Variants in PCED1B observed in about 807,000 individuals in gnomAD.
The protein encoded by PCED1B is PC-esterase domain-containing protein 1B.
For synonymous variants in PCED1B, 251 were observed against 246.1 expected, an observed-to-expected ratio of 1.02 and a Z score of -0.19; for missense variants, 573 against 573.9, an observed-to-expected ratio of 1.00 and a Z score of 0.02.
chr12:47,198,569 C>CA lies in PCED1B; in HGVS notation c.-525-17646dup, dbSNP rs1006612014. 3.1e-4 allele frequency among the ~76,000 whole-genome samples: 46 copies of CA among 148,526 alleles called. 1 individual carries two copies. The highest frequency in any genetic ancestry group is 2.7e-4 in the Admixed American group (4 of 15,002). On this transcript the variant is annotated intron_variant, in intron 2 of 3. Transcript: ENST00000546455. Reference sequence around the variant, plus strand: ...GAAGCCCTAACTAATGCAGTAAGACCAAAAAAACAAAAAACAAACAAACAA... The same window carrying CA: ...GAAGCCCTAACTAATGCAGTAAGACCAAAAAAAACAAAAAACAAACAAACAA...
intron 2 of PCED1B, among the ~76,000 whole-genome samples, chr12:47,192,063 G>A (rs552397866): frequency 3.3e-5 from 5 of 151,252 alleles, no homozygotes; most frequent in South Asian, 4.2e-4. Context: ...AATCCACCCC[G>A]TATCACTGTA....
At chr12:47,093,950 G>A (rs1055959279) in intron 1 of PCED1B, among the ~76,000 whole-genome samples, 4 of 152,016 alleles carry the variant, frequency 2.6e-5, no homozygotes, top group Non-Finnish European at 5.9e-5. Flanking sequence ...TATGTTAACT[G>A]TGCTGTTTAT....
At chr12:47,126,624 A>G (rs1430566718) in intron 2 of PCED1B, among the ~76,000 whole-genome samples, 2 of 152,142 alleles carry the variant, frequency 1.3e-5, no homozygotes, top group African/African-American at 2.4e-5. Flanking sequence ...AAGCCATCTG[A>G]GCCTGGAATT....
intron 3 of PCED1B, among the ~76,000 whole-genome samples, chr12:47,226,119 C>T (rs913644262): frequency 5.9e-5 from 9 of 152,148 alleles, no homozygotes; most frequent in African/African-American, 2.2e-4. Flanking sequence ...CAGCTTTAGC[C>T]TAAGCCCAAA....
intron 2 of PCED1B, among the ~76,000 whole-genome samples, chr12:47,193,857 GT>G (rs1219833581): frequency 6.6e-6 from 1 of 152,210 alleles, no homozygotes; most frequent in East Asian, 1.9e-4. Context: ...TTTGGCCCCA[GT>G]TTTGATAACT....
At chr12:47,199,973 A>G (rs73293901) in intron 2 of PCED1B, among the ~76,000 whole-genome samples, 1,905 of 152,302 alleles carry the variant, frequency 0.013, 45 homozygotes, top group African/African-American at 0.043. Context: ...AATATATCTG[A>G]TTAAGAAGTA....
chr12:47,094,913 T>A (rs537324688), intron 1 of PCED1B, among the ~76,000 whole-genome samples: 1 of 151,146 alleles, frequency 6.6e-6, no homozygotes, highest in South Asian at 2.1e-4. Flanking sequence ...TTTTTTTTTT[T>A]TCTTTTTTGA....
chr12:47,088,164 A>C (rs1351600628), intron 1 of PCED1B, among the ~76,000 whole-genome samples: 2 of 152,226 alleles, frequency 1.3e-5, no homozygotes, highest in Non-Finnish European at 2.9e-5. Flanking sequence ...GCTGTAAAAG[A>C]GTACTTGCCT....
chr12:47,090,182 C>T (rs377447022), intron 1 of PCED1B, among the ~76,000 whole-genome samples: 12 of 152,156 alleles, frequency 7.9e-5, no homozygotes, highest in East Asian at 5.8e-4. Context: ...AGCCCAATAA[C>T]GGAGAATGCA....
chr12:47,123,208 G>T (rs1286119705), intron 2 of PCED1B, among the ~76,000 whole-genome samples: 1 of 152,152 alleles, frequency 6.6e-6, no homozygotes, highest in Admixed American at 6.5e-5. Context: ...TTCAGTTACA[G>T]CTAGTGGTCA....
chr12:47,159,220 G>A (rs986458718), intron 2 of PCED1B, among the ~76,000 whole-genome samples: 8 of 152,034 alleles, frequency 5.3e-5, no homozygotes, highest in East Asian at 3.8e-4. Context: ...GCAGGTATCC[G>A]TTTAATATAC....
intron 2 of PCED1B, among the ~76,000 whole-genome samples, chr12:47,166,021 G>A (rs552757534): frequency 6.6e-6 from 1 of 152,142 alleles, no homozygotes; most frequent in East Asian, 1.9e-4. Context: ...CCCCCACCAC[G>A]AGACTTGATT....
intron 1 of PCED1B, among the ~76,000 whole-genome samples, chr12:47,092,939 G>A (rs980394673): frequency 6.6e-6 from 1 of 151,924 alleles, no homozygotes; most frequent in Non-Finnish European, 1.5e-5. Context: ...AGAAAGATGG[G>A]CTTGCAGTTT....
chr12:47,230,288 G>A (rs2137890724), intron 3 of PCED1B, among the ~76,000 whole-genome samples: 1 of 151,616 alleles, frequency 6.6e-6, no homozygotes. Flanking sequence ...GTTTCACAAT[G>A]TTTGCCAGGA....
At chr12:47,162,355 C>T (rs1467914175) in intron 2 of PCED1B, among the ~76,000 whole-genome samples, 1 of 151,174 alleles carries the variant, frequency 6.6e-6, no homozygotes, top group Admixed American at 6.6e-5. Context: ...TACAAGAAAT[C>T]TGTTTTGCAT....
intron 2 of PCED1B, among the ~76,000 whole-genome samples, chr12:47,207,193 C>T (rs1352342029): frequency 2.6e-5 from 4 of 152,212 alleles, no homozygotes; most frequent in African/African-American, 9.6e-5. Context: ...AAATAAAGGA[C>T]TTTAGCCTGA....
chr12:47,155,714 C>T (rs1264543902), intron 2 of PCED1B, among the ~76,000 whole-genome samples: 1 of 152,198 alleles, frequency 6.6e-6, no homozygotes, highest in Non-Finnish European at 1.5e-5. Flanking sequence ...GATTGGAACC[C>T]AGCTAGGTCT....
chr12:47,093,040 T>C (rs1422748606), intron 1 of PCED1B, among the ~76,000 whole-genome samples: 1 of 152,064 alleles, frequency 6.6e-6, no homozygotes, highest in Non-Finnish European at 1.5e-5. Flanking sequence ...TCTTTCTGTG[T>C]TCTGGAAGAA....
chr12:47,187,660 T>C (rs1051820750), intron 2 of PCED1B, among the ~76,000 whole-genome samples: 4 of 152,146 alleles, frequency 2.6e-5, no homozygotes, highest in Non-Finnish European at 5.9e-5. Flanking sequence ...CTGGAGGTGA[T>C]GGAGAGAACA....
Sources: gnomAD v4.1 joint callset for allele counts (sites outside exome capture counted in the v4.1 genomes callset) on GRCh38, gnomAD v4.1.1 for gene constraint, MANE v1.5 for transcripts, NCBI Gene and HGNC (gene_info 2026-07-23, HGNC 2026-07-21) for gene names.